Variants in HOOK3 observed in about 807,000 individuals in gnomAD.
HOOK3 encodes the protein protein Hook homolog 3.
A neutral mutation model predicts 116.3 loss-of-function variants in HOOK3; 24 were observed. That is an observed-to-expected ratio of 0.21 (90% CI 0.15 to 0.29). The LOEUF is 0.29. Among genes scored for constraint, HOOK3 ranks in the 10% least tolerant of loss-of-function variants. The probability of loss-of-function intolerance (pLI) is 1.00; values close to 1 mark genes in which losing one functional copy is unlikely to be tolerated. For synonymous variants in HOOK3, 275 were observed against 283.0 expected (o/e 0.97, Z 0.28); for missense variants, 632 against 830.2 (o/e 0.76, Z 2.93).
intron 4 of HOOK3, among the ~76,000 whole-genome samples, chr8:42,934,540 CT>C (rs1459252378): frequency 1.3e-5 from 2 of 152,118 alleles, no homozygotes; most frequent in African/African-American, 4.8e-5. Context: ...TATCCCTCCC[CT>C]AGCCCCCCTC....
chr8:42,957,196 A>T (rs749358670), intron 7 of HOOK3, 40 bp downstream of exon 7: 13 of 1,283,302 alleles, frequency 1.0e-5, no homozygotes, highest in Middle Eastern at 1.9e-4. Flanking sequence ...GAAAAGGTTG[A>T]AAAGGATAAG....
rs138530377 is a variant in HOOK3 at position 42,957,288 on chromosome 8, A to G, written c.531+132A>G. 3.2e-3 allele frequency: 1,304 copies of G among 403,928 alleles called. 6 individuals carry two copies. Among genetic ancestry groups the G allele is most frequent in the Non-Finnish European group, 4.1e-3 (951 of 230,182 alleles). The allele number at this position is 403,928 out of a possible 1,614,324, so 25.0% of individuals were successfully genotyped here. On this transcript the variant is annotated intron_variant, in intron 7 of 21. Transcript: ENST00000307602. Reference sequence around the variant, plus strand: ...TTCTTTATATTTTACCTAAAATTTTAAGAACATAAGCTGTTTTACTAGTGG... The same window carrying G: ...TTCTTTATATTTTACCTAAAATTTTGAGAACATAAGCTGTTTTACTAGTGG...
intron 5 of HOOK3, among the ~76,000 whole-genome samples, chr8:42,943,820 A>G (rs1206250127): frequency 6.6e-6 from 1 of 152,230 alleles, no homozygotes. Context: ...TATCTGTAAC[A>G]GATGCCTTCA....
Position 43,020,836 on chromosome 8 carries a change from C to T in HOOK3, c.*2338C>T. 5.4e-6 allele frequency: 1 copy of T among 184,430 alleles called. No individual in the cohort carries two copies. Among genetic ancestry groups the T allele is most frequent in the East Asian group, 8.8e-5 (1 of 11,312 alleles). The allele number at this position is 184,430 out of a possible 1,614,324, so 11.4% of individuals were successfully genotyped here. ...AAAACAACAGCCAGGTGCAGTGGCT[C>T]ACGCGTATAATCCCAGCACTTTGGG... On this transcript the variant is annotated 3_prime_UTR_variant, in exon 22 of 22. Coordinates refer to ENST00000307602, the MANE Select transcript of HOOK3 (RefSeq NM_032410.4).
intron 15 of HOOK3, among the ~76,000 whole-genome samples, chr8:42,990,240 C>T (rs575878445): frequency 1.3e-5 from 2 of 150,734 alleles, no homozygotes; most frequent in African/African-American, 4.9e-5. Flanking sequence ...AAGGGATCCT[C>T]CCACCTCAGC....
At chr8:42,919,765 ACCC>A (rs940725954) in intron 2 of HOOK3, among the ~76,000 whole-genome samples, 17 of 152,242 alleles carry the variant, frequency 1.1e-4, no homozygotes, top group African/African-American at 4.1e-4. Context: ...ACACGGTGAA[ACCC>A]TGTCTCCACC....
chr8:43,003,235 C>A (rs1809412319), intron 17 of HOOK3, among the ~76,000 whole-genome samples: 1 of 152,166 alleles, frequency 6.6e-6, no homozygotes, highest in Non-Finnish European at 1.5e-5. Flanking sequence ...GAAAGAAATT[C>A]TCTTCTGGCA....
intron 15 of HOOK3, among the ~76,000 whole-genome samples, chr8:42,989,623 T>C (rs1031037830): frequency 6.6e-6 from 1 of 152,228 alleles, no homozygotes; most frequent in African/African-American, 2.4e-5. Context: ...TTATACTCTT[T>C]AGTTATTTTT....
intron 8 of HOOK3, among the ~76,000 whole-genome samples, chr8:42,961,282 A>T (rs1808530025): frequency 6.6e-6 from 1 of 152,240 alleles, no homozygotes; most frequent in Non-Finnish European, 1.5e-5. Flanking sequence ...TGGTTTTTAC[A>T]TGTATTTATT....
Position 43,027,614 on chromosome 8 carries a change from A to G in HOOK3, c.*9116A>G. On this transcript the variant is annotated 3_prime_UTR_variant, in exon 22 of 22. Coordinates refer to ENST00000307602, the MANE Select transcript of HOOK3 (RefSeq NM_032410.4). ...CAAATTAGAAAATTAAAAGTGAAACATAACACATAAGGACGAAATACAATG... is the reference window on the plus strand; with the variant it reads ...CAAATTAGAAAATTAAAAGTGAAACGTAACACATAAGGACGAAATACAATG... 1 of 238,948 alleles carries G rather than the reference A, an allele frequency of 4.2e-6. No homozygotes were observed. Among genetic ancestry groups the G allele is most frequent in the Non-Finnish European group, 8.5e-6 (1 of 117,988 alleles). 14.8% of individuals were successfully genotyped at this position (238,948 alleles called of 1,614,324 possible). A position where few individuals can be genotyped will look rare whatever the true frequency, so the allele number is the denominator to read the frequency against.
chr8:42,930,211 A>G (rs1019953779), intron 4 of HOOK3, 39 bp downstream of exon 4: 32 of 1,458,030 alleles, frequency 2.2e-5, no homozygotes, highest in Non-Finnish European at 2.7e-5. Flanking sequence ...AAGTGTTACT[A>G]TCGGATAGTT....
At chr8:42,937,811 A>G (rs1421178040) in intron 4 of HOOK3, among the ~76,000 whole-genome samples, 1 of 152,122 alleles carries the variant, frequency 6.6e-6, no homozygotes, top group Non-Finnish European at 1.5e-5. Flanking sequence ...ACTTCCAATT[A>G]TGTGGTCAAT....
At chr8:42,902,375 G>A (rs750627910) in intron 1 of HOOK3, among the ~76,000 whole-genome samples, 23 of 151,516 alleles carry the variant, frequency 1.5e-4, no homozygotes, top group Non-Finnish European at 2.8e-4. Flanking sequence ...AGGCTCAAGT[G>A]ATCCTCCCAC....
At chr8:42,906,097 A>G in intron 1 of HOOK3, 76 bp from the exon 2 acceptor site, 2 of 855,734 alleles carry the variant, frequency 2.3e-6, no homozygotes, top group South Asian at 2.8e-5. Context: ...CAAAAAAAAA[A>G]AAAAAAAAGG....
rs1003501230 is a variant in HOOK3, at chr8:42,930,273, T to C, written c.267+101T>C. ...GAAAAATTGCTTTCAAAATTAATAA[T>C]CAGTTTGTCGTTCATTTTATAGTTT... On this transcript the variant is annotated intron_variant, in intron 4 of 21. Coordinates refer to ENST00000307602, the MANE Select transcript of HOOK3 (RefSeq NM_032410.4). 16 of 1,058,114 alleles carry C rather than the reference T, an allele frequency of 1.5e-5. No individual in the cohort carries two copies. In the African/African-American group the frequency reaches 2.2e-4, roughly 14 times the overall value. The allele number at this position is 1,058,114 out of a possible 1,614,324, so 65.5% of individuals were successfully genotyped here.
At chr8:42,907,653 A>AT (rs1334465406) in intron 2 of HOOK3, among the ~76,000 whole-genome samples, 3 of 152,048 alleles carry the variant, frequency 2.0e-5, no homozygotes, top group African/African-American at 7.2e-5. Flanking sequence ...TCAATACATG[A>AT]TTTTTTTGCC....
chr8:43,025,028 T>G lies in HOOK3; in HGVS notation c.*6530T>G, dbSNP rs558913391. Reference sequence around the variant, plus strand: ...ATGACTATAGAAACTTATAAAACATTTAATTCATGTTGACTTAAAACATGG... The same window carrying G: ...ATGACTATAGAAACTTATAAAACATGTAATTCATGTTGACTTAAAACATGG... On this transcript the variant is annotated 3_prime_UTR_variant, in exon 22 of 22. Coordinates refer to ENST00000307602, the MANE Select transcript of HOOK3 (RefSeq NM_032410.4). The G allele has an allele frequency of 9.7e-6, 2 of 205,864 alleles. No homozygotes were observed. The highest frequency in any genetic ancestry group is 4.5e-5 in the African/African-American group (2 of 43,988). 12.8% of individuals were successfully genotyped at this position (205,864 alleles called of 1,614,324 possible).
At chr8:42,978,025 G>C (rs1412339709) in intron 13 of HOOK3, among the ~76,000 whole-genome samples, 1 of 152,170 alleles carries the variant, frequency 6.6e-6, no homozygotes, top group African/African-American at 2.4e-5. Flanking sequence ...GCTCGAGCTA[G>C]TAACTAAACT....
At chr8:43,001,978 C>G (rs1809390177) in intron 16 of HOOK3, 129 bp from the exon 17 acceptor site, 1 of 606,154 alleles carries the variant, frequency 1.6e-6, no homozygotes, top group Non-Finnish European at 3.0e-6. Context: ...TGTGTGTTTT[C>G]AGCTCTTTGA....
Sources: allele counts gnomAD v4.1 joint callset (sites outside exome capture counted in the v4.1 genomes callset), GRCh38; gene constraint gnomAD v4.1.1; transcripts MANE v1.5; gene names NCBI Gene and HGNC (gene_info 2026-07-23, HGNC 2026-07-21).